The following MTERF4 variants were observed in gnomAD, a reference collection of about 807,000 sequenced individuals.
MTERF4 encodes transcription termination factor 4, mitochondrial.
In MTERF4, 17 loss-of-function variants were observed where a neutral mutation model predicts 22.5. The observed-to-expected ratio is 0.75, with a 90% CI of 0.52 to 1.13. The LOEUF (loss-of-function observed/expected upper bound fraction) is 1.13, where lower values mean the gene tolerates loss of function less well. Among genes scored for constraint, MTERF4 ranks in the 50% most tolerant of loss-of-function variants. The pLI, the probability that MTERF4 is intolerant of heterozygous loss-of-function variation, is 0.00. For missense variants in MTERF4, 420 were observed against 466.8 expected (o/e 0.90, Z 0.92); for synonymous variants, 165 against 175.3 (o/e 0.94, Z 0.47).
chr2:241,073,542 A>G lies in MTERF4; in HGVS notation n.2620T>C. 1 of 648,542 alleles carries G rather than the reference A, an allele frequency of 1.5e-6. No individual in the cohort carries two copies. Among genetic ancestry groups the G allele is most frequent in the Non-Finnish European group, 2.8e-6 (1 of 353,026 alleles). The allele number at this position is 648,542 out of a possible 1,614,324, so 40.2% of individuals were successfully genotyped here. ...AAGATGGGGTGAAGCTACACCACCC[A>G]AGCAGTGGGACCCCACAGACGGGAA... On this transcript the variant is annotated non_coding_transcript_exon_variant, in exon 5 of 5. Coordinates refer to the MTERF4 transcript ENST00000464344. The surrounding 1 kb of genome is among the most constrained non-coding windows in gnomAD (Gnocchi z 6.6).
chr2:241,047,288 G>A, the MTERF4 span, among the ~76,000 whole-genome samples: 1 of 152,052 alleles, frequency 6.6e-6, no homozygotes, highest in Non-Finnish European at 1.5e-5. Flanking sequence ...AACGATAGAG[G>A]GGTCAATTCA....
At chr2:241,068,367 C>A (rs1480627759), downstream of MTERF4, among the ~76,000 whole-genome samples, 3 of 151,084 alleles carry the variant, frequency 2.0e-5, no homozygotes, top group East Asian at 5.8e-4. This position sits in a 1 kb window ranked among gnomAD's most constrained non-coding sequence, Gnocchi z 5.3. Context: ...ATGGTAGCAG[C>A]CCCGAGCTCT....
the MTERF4 span, chr2:241,065,049 CGCTG>C: frequency 9.7e-7 from 1 of 1,035,152 alleles, no homozygotes; most frequent in Non-Finnish European, 1.4e-6. Flanking sequence ...AGCGTCTGGC[CGCTG>C]CTTGCCCAGG....
chr2:241,072,787 G>A (rs2062799587), exon 5 of MTERF4: 1 of 192,266 alleles, frequency 5.2e-6, no homozygotes, highest in South Asian at 1.0e-4. Context: ...AAGCGGATAT[G>A]AAGTGCCCGA....
chr2:241,087,919 T>C (rs1210804091), downstream of MTERF4: 5 of 416,752 alleles, frequency 1.2e-5, no homozygotes, highest in Non-Finnish European at 1.7e-5. Context: ...GAGAATATTA[T>C]ATGCTTTAGA....
downstream of MTERF4, chr2:241,067,632 T>C: frequency 1.4e-6 from 1 of 690,316 alleles, no homozygotes; most frequent in South Asian, 2.2e-5. Context: ...CCCTGAGCAG[T>C]TGATGGGACA....
At chr2:241,057,439 A>ATCCCAGCACTT in the MTERF4 span, among the ~76,000 whole-genome samples, 4,082 of 142,648 alleles carry the variant, frequency 0.029, 308 homozygotes, top group East Asian at 0.19. Flanking sequence ...CACACATATA[A>ATCCCAGCACTT]TGGGAGGTCA....
chr2:241,070,263 AG>A (rs1201968789), downstream of MTERF4: 7 of 1,504,458 alleles, frequency 4.7e-6, no homozygotes, highest in Admixed American at 1.4e-4. Flanking sequence ...CACCCTGTTC[AG>A]GACTGACCTG....
At chr2:241,078,243 C>A (rs766561802) in intron 4 of MTERF4, among the ~76,000 whole-genome samples, 1 of 151,510 alleles carries the variant, frequency 6.6e-6, no homozygotes, top group Non-Finnish European at 1.5e-5. Flanking sequence ...ATTAGCTGGG[C>A]GTGGTGGCGG....
chr2:241,082,469 C>T (rs2063376036), downstream of MTERF4: 2 of 786,628 alleles, frequency 2.5e-6, no homozygotes, highest in African/African-American at 3.4e-5. Context: ...GGGACGATGG[C>T]TGCAGTCACA....
At chr2:241,069,963 C>T (rs2062629077), downstream of MTERF4, 19 of 1,612,976 alleles carry the variant, frequency 1.2e-5, no homozygotes, top group Non-Finnish European at 1.4e-5. The surrounding 1 kb of genome is among the most constrained non-coding windows in gnomAD (Gnocchi z 4.9). Context: ...GAGTCACTGC[C>T]ACCTCTGCCC....
downstream of MTERF4, among the ~76,000 whole-genome samples, chr2:241,070,684 T>G (rs1559294583): frequency 6.6e-6 from 1 of 152,172 alleles, no homozygotes; most frequent in Non-Finnish European, 1.5e-5. Context: ...TGGGGACAGA[T>G]GCTCCGAAGG....
At chr2:241,050,097 C>A in the MTERF4 span, 2 of 689,988 alleles carry the variant, frequency 2.9e-6, no homozygotes, top group African/African-American at 3.5e-5. Context: ...GAGGTGAGCA[C>A]CTCACTGTTT....
chr2:241,094,513 G>C (rs907569547), downstream of MTERF4: 2 of 395,520 alleles, frequency 5.1e-6, no homozygotes, highest in Non-Finnish European at 1.0e-5. This position sits in a 1 kb window ranked among gnomAD's most constrained non-coding sequence, Gnocchi z 4.3. Flanking sequence ...GGGTATTCCA[G>C]TGCATAGGGG....
At chr2:241,054,800 A>G in the MTERF4 span, among the ~76,000 whole-genome samples, 2 of 152,248 alleles carry the variant, frequency 1.3e-5, no homozygotes, top group African/African-American at 4.8e-5. Context: ...AGAAAGAAGC[A>G]GGGAAAGATA....
chr2:241,065,184 G>T, the MTERF4 span: 1 of 1,095,124 alleles, frequency 9.1e-7, no homozygotes, highest in Non-Finnish European at 1.3e-6. Context: ...GACTCTGCCA[G>T]CGATGGCTGT....
At chr2:241,064,066 G>T in the MTERF4 span, 2 of 1,570,062 alleles carry the variant, frequency 1.3e-6, no homozygotes, top group South Asian at 1.2e-5. The surrounding 1 kb of genome is among the most constrained non-coding windows in gnomAD (Gnocchi z 7.0). Context: ...TGTGAGAGCG[G>T]CGGCGGGGCC....
chr2:241,099,896 T>C lies in MTERF4; in HGVS notation c.22-2A>G. The C allele has an allele frequency of 6.2e-7, 1 of 1,610,420 alleles. No homozygotes were observed. The highest frequency in any genetic ancestry group is 8.5e-7 in the Non-Finnish European group (1 of 1,179,858). ...GATCAGGCGGTGCCAATCAAGGACC[T>C]GTAAGACACAGGACCAAAAGACAAT... is the stretch of plus-strand genomic sequence containing the variant. On this transcript the variant is annotated splice_acceptor_variant, in intron 1 of 3. Transcript: ENST00000391980. LOFTEE classifies it high-confidence loss of function.
At chr2:241,088,173 C>T, downstream of MTERF4, 1 of 584,004 alleles carries the variant, frequency 1.7e-6, no homozygotes, top group Non-Finnish European at 3.1e-6. Context: ...AAACTACTGC[C>T]TCAAGCCAGG....
Sources: allele counts gnomAD v4.1 joint callset (sites outside exome capture counted in the v4.1 genomes callset), GRCh38; gene constraint gnomAD v4.1.1; non-coding constraint Gnocchi (gnomAD v3.1); transcripts MANE v1.5; gene names NCBI Gene and HGNC (gene_info 2026-07-23, HGNC 2026-07-21).